MGAT5: variants seen among roughly 807,000 people sequenced by gnomAD.
The protein encoded by MGAT5 is alpha-1,6-mannosylglycoprotein 6-beta-N-acetylglucosaminyltransferase A.
Under a neutral mutation model 94.3 loss-of-function variants are expected in MGAT5, and 30 were observed. That is an observed-to-expected ratio of 0.32 (90% CI 0.24 to 0.43). The LOEUF is 0.43. Ranked by LOEUF, MGAT5 falls within the 20% of genes least tolerant of loss-of-function variation. The pLI, the probability that MGAT5 is intolerant of heterozygous loss-of-function variation, is 1.00. For synonymous variants in MGAT5, 310 were observed against 322.9 expected (o/e 0.96, Z 0.43); for missense variants, 691 against 905.5 (o/e 0.76, Z 3.04).
In MGAT5 at chr2:134,170,675, C is replaced by T. The variant is rs542431990; in HGVS notation, c.-143+50384C>T. Among the ~76,000 whole-genome samples the T allele has an allele frequency of 7.9e-5, 12 of 152,212 alleles. No individual in the cohort carries two copies. In the South Asian group the frequency reaches 2.5e-3, roughly 32 times the overall value. On this transcript the variant is annotated intron_variant, in intron 1 of 16. Transcript: ENST00000409645. ...CAGCTTGAAGGTGGATCTGTCCCTCCCTCCCTTACTGAGGTCTTTCTCAGT... is the reference window on the plus strand; with the variant it reads ...CAGCTTGAAGGTGGATCTGTCCCTCTCTCCCTTACTGAGGTCTTTCTCAGT...
At chr2:134,355,812 T>G (rs1679697180) in intron 9 of MGAT5, among the ~76,000 whole-genome samples, 1 of 152,154 alleles carries the variant, frequency 6.6e-6, no homozygotes, top group Non-Finnish European at 1.5e-5. Flanking sequence ...AAATCATCTT[T>G]ATCTAATTGA....
At chr2:134,343,633 G>C (rs115554504) in intron 7 of MGAT5, among the ~76,000 whole-genome samples, 1 of 152,098 alleles carries the variant, frequency 6.6e-6, no homozygotes, top group Non-Finnish European at 1.5e-5. Flanking sequence ...ACAACCCTTG[G>C]GGGTAGGACA....
At chr2:134,264,756 A>C (rs1683584921) in intron 1 of MGAT5, among the ~76,000 whole-genome samples, 1 of 152,154 alleles carries the variant, frequency 6.6e-6, no homozygotes, top group African/African-American at 2.4e-5. Context: ...TTCTTTTTTC[A>C]ATAGCACCTT....
intron 1 of MGAT5, among the ~76,000 whole-genome samples, chr2:134,121,454 C>T (rs956458395): frequency 3.9e-5 from 6 of 152,304 alleles, no homozygotes; most frequent in African/African-American, 1.2e-4. Flanking sequence ...AAGGGGGTGG[C>T]GCTTGCATTG....
At chr2:134,287,391 TATC>T (rs1685077907) in intron 2 of MGAT5, among the ~76,000 whole-genome samples, 1 of 152,220 alleles carries the variant, frequency 6.6e-6, no homozygotes, top group African/African-American at 2.4e-5. Flanking sequence ...CTGTTGTATG[TATC>T]ATCTGAGAGT....
intron 2 of MGAT5, among the ~76,000 whole-genome samples, chr2:134,273,021 G>T (rs1684126069): frequency 6.7e-6 from 1 of 149,060 alleles, no homozygotes; most frequent in African/African-American, 2.5e-5. Flanking sequence ...GTGTGTGTGT[G>T]CGCGCGCGCG....
Position 134,343,011 on chromosome 2 carries a change from A to T in MGAT5, c.977+1252A>T, listed in dbSNP as rs116261432. On this transcript the variant is annotated intron_variant, in intron 7 of 15. Transcript: ENST00000281923. ...TATCGTTTGTCACTGTGTAGTGGGCACCTAGATAGTGCCTAGCAAGTAATG... is the reference window on the plus strand; with the variant it reads ...TATCGTTTGTCACTGTGTAGTGGGCTCCTAGATAGTGCCTAGCAAGTAATG... Among the ~76,000 whole-genome samples the T allele has an allele frequency of 8.5e-3, 1,302 of 152,296 alleles. 17 individuals carry two copies. The highest frequency in any genetic ancestry group is 0.03 in the African/African-American group (1,234 of 41,558).
chr2:134,415,985 A>G (rs1161499029), intron 12 of MGAT5, among the ~76,000 whole-genome samples: 2 of 152,130 alleles, frequency 1.3e-5, no homozygotes, highest in Non-Finnish European at 2.9e-5. Context: ...AATCACCTGT[A>G]CATTTGAAAT....
At chr2:134,126,833 T>TA (rs1685859274) in intron 1 of MGAT5, among the ~76,000 whole-genome samples, 1 of 151,996 alleles carries the variant, frequency 6.6e-6, no homozygotes, top group East Asian at 1.9e-4. Flanking sequence ...ATTCAGTGTG[T>TA]AACTACTACC....
At chr2:134,318,548 T>G (rs1687136539) in intron 3 of MGAT5, 102 bp from the exon 4 acceptor site, 7 of 865,130 alleles carry the variant, frequency 8.1e-6, no homozygotes, top group Non-Finnish European at 1.9e-6. Context: ...GGCCACAGCT[T>G]GAGCCATTCA....
At chr2:134,369,380 G>C (rs992654585) in intron 10 of MGAT5, among the ~76,000 whole-genome samples, 3 of 152,188 alleles carry the variant, frequency 2.0e-5, no homozygotes, top group Admixed American at 6.5e-5. Context: ...GCAGGGAGAT[G>C]GATGGGAACA....
chr2:134,382,275 T>C (rs1472903213), intron 10 of MGAT5, among the ~76,000 whole-genome samples: 1 of 151,858 alleles, frequency 6.6e-6, no homozygotes, highest in East Asian at 1.9e-4. Context: ...AAAGTCCTAG[T>C]GCCCAGGCCC....
intron 1 of MGAT5, among the ~76,000 whole-genome samples, chr2:134,199,800 TC>T (rs897139721): frequency 6.6e-6 from 1 of 152,142 alleles, no homozygotes; most frequent in Non-Finnish European, 1.5e-5. Context: ...TGGGAAATGC[TC>T]CCCCTGCATA....
chr2:134,155,869 A>G (rs1231759891), intron 1 of MGAT5, among the ~76,000 whole-genome samples: 2 of 151,460 alleles, frequency 1.3e-5, no homozygotes, highest in African/African-American at 4.9e-5. Flanking sequence ...GCCTCTTCCT[A>G]TCTGCACTTA....
At chr2:134,325,965 G>A (rs950312343) in intron 4 of MGAT5, among the ~76,000 whole-genome samples, 3 of 151,388 alleles carry the variant, frequency 2.0e-5, no homozygotes, top group Admixed American at 1.3e-4. Flanking sequence ...GCCTAATATT[G>A]TTTGTGCAAG....
intron 14 of MGAT5, among the ~76,000 whole-genome samples, chr2:134,439,917 G>A (rs2106415838): frequency 6.6e-6 from 1 of 152,270 alleles, no homozygotes; most frequent in Non-Finnish European, 1.5e-5. Context: ...TTGCGTCAGT[G>A]CTAGGAGCCC....
chr2:134,277,686 G>A (rs1684462340), intron 2 of MGAT5, among the ~76,000 whole-genome samples: 1 of 152,186 alleles, frequency 6.6e-6, no homozygotes, highest in Admixed American at 6.5e-5. Context: ...AGTCAGTACT[G>A]TATGAGCATT....
At chr2:134,393,224 T>G (rs1682518199) in intron 10 of MGAT5, among the ~76,000 whole-genome samples, 1 of 152,226 alleles carries the variant, frequency 6.6e-6, no homozygotes, top group South Asian at 2.1e-4. Flanking sequence ...TACTTCATTC[T>G]TGACCCCAAA....
chr2:134,264,641 C>G (rs1163403836), intron 1 of MGAT5, among the ~76,000 whole-genome samples: 1 of 113,392 alleles, frequency 8.8e-6, no homozygotes, highest in Non-Finnish European at 1.6e-5. Context: ...TACTGTAACT[C>G]TATTATCTTT....
Sources: gnomAD v4.1 joint callset for allele counts (sites outside exome capture counted in the v4.1 genomes callset) on GRCh38, gnomAD v4.1.1 for gene constraint, MANE v1.5 for transcripts, NCBI Gene and HGNC (gene_info 2026-07-23, HGNC 2026-07-21) for gene names.